Variants in SARS2 observed in about 807,000 individuals in gnomAD.
SARS2 encodes the protein seryl-tRNA synthetase 2, mitochondrial.
In SARS2, 52 loss-of-function variants were observed where a neutral mutation model predicts 66.8. The observed-to-expected ratio is 0.78, with a 90% CI of 0.62 to 0.98. SARS2 has a LOEUF of 0.98. Ranked by LOEUF, SARS2 falls within the 50% of genes least tolerant of loss-of-function variation. The pLI, the probability that SARS2 is intolerant of heterozygous loss-of-function variation, is 0.00. For missense variants in SARS2, 673 were observed against 706.3 expected (o/e 0.95, Z 0.53); for synonymous variants, 306 against 281.4 (o/e 1.09, Z -0.87).
At position 38,916,266 on chromosome 19, in the gene SARS2, C is replaced by T. The variant is rs1391327979; in HGVS notation, c.1209G>A (p.Lys403=). ...TQELGLPAYR[K]FDIEAWMPGR... is the part of the protein sequence containing the mutation. Reference sequence around the variant, plus strand: ...CTGGCATCCAGGCCTCAATGTCAAACTTGCGGTAGGCGGGGAGGCCCAGTT... The same window carrying T: ...CTGGCATCCAGGCCTCAATGTCAAATTTGCGGTAGGCGGGGAGGCCCAGTT... Residue 403 remains lysine (K), a synonymous_variant, in exon 13 of 16, where the codon AAG becomes AAA. Transcript: ENST00000221431. 6.2e-7 allele frequency: 1 copy of T among 1,614,114 alleles called. No individual in the cohort carries two copies. Among genetic ancestry groups the T allele is most frequent in the Non-Finnish European group, 8.5e-7 (1 of 1,179,984 alleles).
chr19:38,929,541 C>T (rs1051561704), intron 1 of SARS2, among the ~76,000 whole-genome samples: 4 of 142,618 alleles, frequency 2.8e-5, no homozygotes, highest in Non-Finnish European at 6.0e-5. Flanking sequence ...CCATCCTGGG[C>T]GACAGAACAA....
intron 12 of SARS2, among the ~76,000 whole-genome samples, chr19:38,917,514 G>A (rs1476290939): frequency 1.3e-5 from 2 of 152,254 alleles, no homozygotes; most frequent in Non-Finnish European, 2.9e-5. Flanking sequence ...ACCGTGCACT[G>A]TTCGTGCTTC....
chr19:38,919,912 AG>A (rs751642092), intron 6 of SARS2, 45 bp from the exon 7 acceptor site: 21 of 1,565,360 alleles, frequency 1.3e-5, no homozygotes, highest in Non-Finnish European at 1.8e-5. Context: ...CCAGGCTGGC[AG>A]GGAATGTGGG....
At position 38,930,693 on chromosome 19, in the gene SARS2, C is replaced by G. The variant is rs773524954; in HGVS notation, c.44G>C (p.Arg15Pro). ...GCCTCCCCGGGGCCGGAACCCCCGA[C>G]GAGTCAGCAAAGGCCACAAGCGCCG... is the stretch of plus-strand genomic sequence containing the variant. Reference protein sequence around the residue: ...MARRLWPLLTRRGFRPRGGCI... With the variant: ...MARRLWPLLTPRGFRPRGGCI... Residue 15 changes from arginine (R) to proline (P), a missense_variant, in exon 1 of 16, where the codon CGT becomes CCT. By Grantham distance (103) the Arg-to-Pro change is moderately radical (BLOSUM62 -2). Coordinates refer to ENST00000221431, the MANE Select transcript of SARS2 (RefSeq NM_017827.4). 82 of 1,613,834 alleles carry G rather than the reference C, an allele frequency of 5.1e-5. No individual in the cohort carries two copies. Among genetic ancestry groups the G allele is most frequent in the Admixed American group, 3.2e-4 (19 of 60,010 alleles).
At chr19:38,918,900 C>A in intron 7 of SARS2, 87 bp from the exon 8 acceptor site, 1 of 1,364,614 alleles carries the variant, frequency 7.3e-7, no homozygotes. Flanking sequence ...TGCAGAGCCC[C>A]TTCCTCCTCA....
Position 38,926,115 on chromosome 19 carries a change from T to A in SARS2, c.363+90A>T, listed in dbSNP as rs1045348978. 5 of 1,112,464 alleles carry A rather than the reference T, an allele frequency of 4.5e-6. No homozygotes were observed. In the African/African-American group the frequency reaches 7.6e-5, roughly 17 times the overall value. The allele number at this position is 1,112,464 out of a possible 1,614,324, so 68.9% of individuals were successfully genotyped here. A position where few individuals can be genotyped will look rare whatever the true frequency, so the allele number is the denominator to read the frequency against. On this transcript the variant is annotated intron_variant, in intron 2 of 15. Transcript: ENST00000221431. ...ATAGGCGTGAGCCACCGTGCCAGCC[T>A]GTTCAAGTTCTTTAAATTCGGTTTC...
intron 2 of SARS2, among the ~76,000 whole-genome samples, chr19:38,924,191 C>T (rs1224119493): frequency 6.6e-6 from 1 of 151,972 alleles, no homozygotes; most frequent in East Asian, 1.9e-4. Flanking sequence ...AAAATGGAAG[C>T]TCAGAGAGGT....
chr19:38,923,300 C>A (rs1288872796), intron 2 of SARS2, among the ~76,000 whole-genome samples: 1 of 140,096 alleles, frequency 7.1e-6, no homozygotes, highest in Non-Finnish European at 1.5e-5. Flanking sequence ...CGGCTCACTG[C>A]AAGCTCCGCC....
intron 7 of SARS2, 83 bp from the exon 8 acceptor site, chr19:38,918,896 G>A (rs1974468778): frequency 2.9e-6 from 4 of 1,365,136 alleles, no homozygotes; most frequent in African/African-American, 2.9e-5. Flanking sequence ...GTGCTGCAGA[G>A]CCCCTTCCTC....
rs760018219 is a variant in SARS2 at position 38,930,484 on chromosome 19, C to G, written c.253G>C (p.Asp85His). 2.5e-6 allele frequency: 4 copies of G among 1,599,134 alleles called. No homozygotes were observed. The highest frequency in any genetic ancestry group is 3.4e-5 in the Admixed American group (2 of 59,652). The change falls in exon 1 of 16, where the codon GAC becomes CAC. Residue 85 changes from aspartate (D) to histidine (H), a missense_variant. Coordinates refer to ENST00000221431, the MANE Select transcript of SARS2 (RefSeq NM_017827.4). ...GGCGCACTCACGATCGCGGGCAGGT[C>G]CGCCGAGCGCAGCTCCCCCTTGCGG... ...ELRKGELRSA[D>H]LPAIISTWQE...
At chr19:38,928,837 G>T (rs920197989) in intron 1 of SARS2, among the ~76,000 whole-genome samples, 2 of 152,112 alleles carry the variant, frequency 1.3e-5, no homozygotes, top group Non-Finnish European at 2.9e-5. Context: ...ATTATAATGA[G>T]TATATCTGTC....
At chr19:38,918,349 G>A in intron 9 of SARS2, 73 bp downstream of exon 9, 1 of 1,409,776 alleles carries the variant, frequency 7.1e-7, no homozygotes, top group South Asian at 1.2e-5. Flanking sequence ...ATCCCCCCCA[G>A]TGCTCCCTGG....
Position 38,930,564 on chromosome 19 carries a change from A to G in SARS2, c.173T>C (p.Leu58Pro), listed in dbSNP as rs1005101081. 3 of 1,613,904 alleles carry G rather than the reference A, an allele frequency of 1.9e-6. No homozygotes were observed. Among genetic ancestry groups the G allele is most frequent in the South Asian group, 1.1e-5 (1 of 91,088 alleles). ...AREGYSALPQ[L>P]DIERFCACPE... The stretch of plus-strand genomic sequence containing the variant: ...GCATGCGCAGAACCGCTCTATGTCC[A>G]GCTGAGGGAGTGCGCTGTAGCCCTC... Residue 58 changes from leucine to proline, a missense_variant, in exon 1 of 16, where the codon CTG becomes CCG. Coordinates refer to ENST00000221431, the MANE Select transcript of SARS2 (RefSeq NM_017827.4).
chr19:38,927,226 C>T (rs1399991422), intron 1 of SARS2, among the ~76,000 whole-genome samples: 1 of 152,124 alleles, frequency 6.6e-6, no homozygotes, highest in African/African-American at 2.4e-5. Flanking sequence ...GTGTGAGCCA[C>T]AGCACCCGGT....
intron 2 of SARS2, among the ~76,000 whole-genome samples, chr19:38,923,847 G>A (rs982905187): frequency 5.3e-5 from 8 of 152,072 alleles, no homozygotes; most frequent in African/African-American, 1.7e-4. Context: ...GGTGGCGGGC[G>A]CCTGTAGTCC....
Position 38,918,296 on chromosome 19 carries a change from G to A in SARS2, c.916+126C>T, listed in dbSNP as rs145232405. 1,394 of 1,150,870 alleles carry A rather than the reference G, an allele frequency of 1.2e-3. 9 individuals are homozygous for A. In the East Asian group the frequency reaches 0.013, roughly 10 times the overall value. The allele number at this position is 1,150,870 out of a possible 1,614,324, so 71.3% of individuals were successfully genotyped here. A position where few individuals can be genotyped will look rare whatever the true frequency, so the allele number is the denominator to read the frequency against. On this transcript the variant is annotated intron_variant, in intron 9 of 15. Coordinates refer to ENST00000221431, the MANE Select transcript of SARS2 (RefSeq NM_017827.4). The stretch of plus-strand genomic sequence containing the variant: ...TGTACAGTAAACAACCTACACAGCC[G>A]TACATGTTGGCCCTGGGGCTGCTGA...
rs565577459 is a variant in SARS2, at chr19:38,915,466, G to A, written c.*140C>T. 31 of 935,318 alleles carry A rather than the reference G, an allele frequency of 3.3e-5. No individual in the cohort carries two copies. The highest frequency in any genetic ancestry group is 2.3e-4 in the African/African-American group (14 of 61,122). The allele number at this position is 935,318 out of a possible 1,614,324, so 57.9% of individuals were successfully genotyped here. A position where few individuals can be genotyped will look rare whatever the true frequency, so the allele number is the denominator to read the frequency against. Reference sequence around the variant, plus strand: ...CAAGGACAGAGGAGAGGTGGACCCCGTGGTCCAGGGGCCCGGGCGTGGAGC... The same window carrying A: ...CAAGGACAGAGGAGAGGTGGACCCCATGGTCCAGGGGCCCGGGCGTGGAGC... On this transcript the variant is annotated 3_prime_UTR_variant, in exon 16 of 16. Transcript: ENST00000221431.
chr19:38,919,741 C>A lies in SARS2; in HGVS notation c.759+21G>T, dbSNP rs370703294. 4 of 1,600,598 alleles carry A rather than the reference C, an allele frequency of 2.5e-6. No homozygotes were observed. The African/African-American group carries it at 5.4e-5, about 21-fold the overall frequency. Reference sequence around the variant, plus strand: ...CTTCGATGCCACCCCCTCCAGGCAGCCCTCCTATCTTGGCCCATACCCGGC... The same window carrying A: ...CTTCGATGCCACCCCCTCCAGGCAGACCTCCTATCTTGGCCCATACCCGGC... On this transcript the variant is annotated intron_variant, in intron 7 of 15. Coordinates refer to ENST00000221431, the MANE Select transcript of SARS2 (RefSeq NM_017827.4).
chr19:38,921,010 CACACAGAT>C (rs71165594), intron 5 of SARS2, among the ~76,000 whole-genome samples: 93,844 of 146,686 alleles, frequency 0.64, 30,359 homozygotes, highest in East Asian at 0.96. Flanking sequence ...GATACAGACA[CACACAGAT>C]ACACAGATAC....
Sources: allele counts gnomAD v4.1 joint callset (sites outside exome capture counted in the v4.1 genomes callset), GRCh38; gene constraint gnomAD v4.1.1; transcripts MANE v1.5; gene names NCBI Gene and HGNC (gene_info 2026-07-23, HGNC 2026-07-21).